Variants in USP31 observed in about 807,000 individuals in gnomAD.
USP31 encodes ubiquitin specific peptidase 31.
Under a neutral mutation model 119.4 loss-of-function variants are expected in USP31, and 44 were observed. The ratio of observed to expected loss-of-function variants is 0.37; its 90% CI spans 0.29 to 0.47. USP31 has a LOEUF of 0.47. Ranked by LOEUF, USP31 falls within the 20% of genes least tolerant of loss-of-function variation. The probability of loss-of-function intolerance (pLI) is 0.99; values close to 1 mark genes in which losing one functional copy is unlikely to be tolerated. For synonymous variants in USP31, 749 were observed against 705.6 expected (o/e 1.06, Z -0.97); for missense variants, 1,643 against 1,730.2 (o/e 0.95, Z 0.89).
At chr16:23,076,076 C>T (rs920506096) in intron 13 of USP31, among the ~76,000 whole-genome samples, 1 of 152,024 alleles carries the variant, frequency 6.6e-6, no homozygotes, top group Non-Finnish European at 1.5e-5. Context: ...CAAAGTGAGA[C>T]CCTGTCTCAA....
intron 6 of USP31, among the ~76,000 whole-genome samples, chr16:23,094,856 CA>C (rs1248497347): frequency 1.3e-5 from 2 of 152,098 alleles, no homozygotes; most frequent in Admixed American, 6.5e-5. Flanking sequence ...TGTAGGTTAC[CA>C]ACATCAAAGA....
In USP31 at chr16:23,106,471, T is replaced by A; in HGVS notation, c.788A>T (p.Asp263Val). 6.2e-7 allele frequency: 1 copy of A among 1,613,002 alleles called. No individual in the cohort carries two copies. Among genetic ancestry groups the A allele is most frequent in the Non-Finnish European group, 8.5e-7 (1 of 1,179,614 alleles). Residue 263 changes from aspartate to valine, a missense_variant, in exon 3 of 16, where the codon GAT (aspartate) becomes GTT (valine). This residue lies in a region of USP31 where 144 missense variants were observed against 218.0 expected (regional missense o/e 0.66). Transcript: ENST00000219689. Reference protein sequence around the residue: ...QPPLKPPSETDMMPEGPSFPV... With the variant: ...QPPLKPPSETVMMPEGPSFPV... ...GAAAGATGGTCCCTCAGGCATCATA[T>A]CAGTCTCTGATGGTGGCTAAAAAAA...
rs377565056 is a variant in USP31, at chr16:23,068,661, C to T, written c.3444G>A (p.Arg1148=). 9.3e-6 allele frequency: 15 copies of T among 1,614,098 alleles called. No homozygotes were observed. The African/African-American group carries it at 1.7e-4, about 19-fold the overall frequency. ...TRSPFPPGKS[R]TSDHSLSREG... ...CTCTACTCAAGCTGTGGTCTGAAGT[C>T]CTGCTCTTCCCAGGTGGGAAAGGGC... is the stretch of plus-strand genomic sequence containing the variant. Residue 1148 remains arginine (R), a synonymous_variant, in exon 16 of 16, where the codon AGG becomes AGA. Transcript: ENST00000219689.
In USP31 at chr16:23,064,156, G is replaced by C. The variant is rs1899972813; in HGVS notation, c.*3890C>G. The C allele has an allele frequency of 6.6e-6, 1 of 152,516 alleles. No individual in the cohort carries two copies. 9.4% of individuals were successfully genotyped at this position (152,516 alleles called of 1,614,324 possible). A position where few individuals can be genotyped will look rare whatever the true frequency, so the allele number is the denominator to read the frequency against. On this transcript the variant is annotated 3_prime_UTR_variant, in exon 16 of 16. Coordinates refer to ENST00000219689, the MANE Select transcript of USP31 (RefSeq NM_020718.4). ...TTTATTGAAACTGTGCTTATGACTT[G>C]CATACTATTTCAAAAATCCAACCCA...
At chr16:23,100,286 T>C (rs1596709771) in intron 6 of USP31, among the ~76,000 whole-genome samples, 2 of 152,296 alleles carry the variant, frequency 1.3e-5, no homozygotes, top group Middle Eastern at 6.8e-3. Flanking sequence ...TCATTAACAA[T>C]GAATAAACAA....
At chr16:23,082,322 G>T in intron 12 of USP31, 116 bp downstream of exon 12, 2 of 1,385,358 alleles carry the variant, frequency 1.4e-6, no homozygotes, top group Non-Finnish European at 2.0e-6. Context: ...AACATACACA[G>T]ACAGGACTCA....
rs1360950315 is a variant in USP31 at position 23,062,562 on chromosome 16, G to A, written c.*5484C>T. On this transcript the variant is annotated 3_prime_UTR_variant, in exon 16 of 16. Coordinates refer to ENST00000219689, the MANE Select transcript of USP31 (RefSeq NM_020718.4). ...AGGCAATAATTCTATCAAAAGCAGGGACAGGCTTTCCAAGGCTAGGAAGGT... is the reference window on the plus strand; with the variant it reads ...AGGCAATAATTCTATCAAAAGCAGGAACAGGCTTTCCAAGGCTAGGAAGGT... The A allele has an allele frequency of 1.3e-5, 2 of 152,596 alleles. No individual in the cohort carries two copies. The highest frequency in any genetic ancestry group is 1.3e-4 in the Admixed American group (2 of 15,286). The allele number at this position is 152,596 out of a possible 1,614,324, so 9.5% of individuals were successfully genotyped here.
At chr16:23,086,285 T>G (rs1256392854) in intron 9 of USP31, among the ~76,000 whole-genome samples, 1 of 152,162 alleles carries the variant, frequency 6.6e-6, no homozygotes, top group Non-Finnish European at 1.5e-5. Flanking sequence ...TATTGTATGC[T>G]TTTTTAGAAT....
intron 1 of USP31, among the ~76,000 whole-genome samples, chr16:23,136,876 C>T (rs1903209521): frequency 6.6e-6 from 1 of 152,198 alleles, no homozygotes; most frequent in African/African-American, 2.4e-5. Flanking sequence ...GAACTATATG[C>T]ACTTGAAAAG....
chr16:23,129,801 T>C (rs1902971991), intron 1 of USP31, among the ~76,000 whole-genome samples: 1 of 152,178 alleles, frequency 6.6e-6, no homozygotes, highest in Non-Finnish European at 1.5e-5. Context: ...AACGTCCAAC[T>C]ACAGGGGTTA....
At chr16:23,093,536 T>C (rs1256153455) in intron 6 of USP31, among the ~76,000 whole-genome samples, 1 of 152,170 alleles carries the variant, frequency 6.6e-6, no homozygotes, top group Non-Finnish European at 1.5e-5. Context: ...AAAATAAATG[T>C]TGGCAAAGAT....
chr16:23,127,669 G>A (rs1013014260), intron 1 of USP31, among the ~76,000 whole-genome samples: 4 of 145,438 alleles, frequency 2.8e-5, no homozygotes, highest in South Asian at 2.2e-4. Context: ...TTGTAGAGAC[G>A]GGGTTTCACC....
At chr16:23,083,700 G>C (rs1182263667) in intron 11 of USP31, among the ~76,000 whole-genome samples, 1 of 119,338 alleles carries the variant, frequency 8.4e-6, no homozygotes, top group African/African-American at 3.1e-5. Flanking sequence ...CCTGGCGGGG[G>C]GGGGGGGGGG....
chr16:23,081,932 T>C (rs1900848571), intron 12 of USP31, among the ~76,000 whole-genome samples: 3 of 152,238 alleles, frequency 2.0e-5, no homozygotes, highest in Non-Finnish European at 4.4e-5. Context: ...CGCTAATGTT[T>C]ACTTCCCATT....
chr16:23,146,239 T>C (rs1567251257), intron 1 of USP31, among the ~76,000 whole-genome samples: 1 of 88,396 alleles, frequency 1.1e-5, no homozygotes, highest in Non-Finnish European at 2.2e-5. Flanking sequence ...CAGTGTGGGG[T>C]GGGGGGCGGG....
At chr16:23,077,511 C>T (rs778915140) in intron 13 of USP31, among the ~76,000 whole-genome samples, 2 of 152,136 alleles carry the variant, frequency 1.3e-5, no homozygotes, top group South Asian at 2.1e-4. Flanking sequence ...GGGAGGTTCA[C>T]GGCTAAATAC....
rs1385923226 is a variant in USP31, at chr16:23,067,026, T to C, written c.*1020A>G. On this transcript the variant is annotated 3_prime_UTR_variant, in exon 16 of 16. Transcript: ENST00000219689. ...CTTCTTTCCTCTCCAAGCTACAAGA[T>C]GAGGGAACATGAGCCCACAGACACA... 1 of 152,222 alleles carries C rather than the reference T, an allele frequency of 6.6e-6. No homozygotes were observed. The highest frequency in any genetic ancestry group is 1.5e-5 in the Non-Finnish European group (1 of 68,040). The allele number at this position is 152,222 out of a possible 1,614,324, so 9.4% of individuals were successfully genotyped here.
chr16:23,097,776 C>G (rs1251921189), intron 6 of USP31, among the ~76,000 whole-genome samples: 8 of 152,110 alleles, frequency 5.3e-5, no homozygotes. Context: ...ATTCAACAGC[C>G]CTTCATGCTA....
intron 1 of USP31, among the ~76,000 whole-genome samples, chr16:23,133,847 G>A (rs1264332164): frequency 6.6e-6 from 1 of 152,128 alleles, no homozygotes; most frequent in African/African-American, 2.4e-5. Context: ...AGGAAGAGAT[G>A]GGCAAATCAC....
Sources: gnomAD v4.1 joint callset for allele counts (sites outside exome capture counted in the v4.1 genomes callset) on GRCh38, gnomAD v4.1.1 for gene constraint, gnomAD v4.1.1 regional missense constraint, MANE v1.5 for transcripts, NCBI Gene and HGNC (gene_info 2026-07-23, HGNC 2026-07-21) for gene names.